Variants in SAMD4B observed in about 807,000 individuals in gnomAD.
SAMD4B encodes sterile alpha motif domain containing 4B, also known as protein Smaug homolog 2.
SAMD4B carries 5 observed loss-of-function variants against 74.5 expected under a neutral mutation model. That is an observed-to-expected ratio of 0.07 (90% CI 0.04 to 0.14). The LOEUF (loss-of-function observed/expected upper bound fraction) is 0.14. Among genes scored for constraint, SAMD4B ranks in the 10% least tolerant of loss-of-function variants. The pLI is 1.00. For missense variants in SAMD4B, 608 were observed against 921.8 expected (o/e 0.66, Z 4.41); for synonymous variants, 373 against 374.9 (o/e 1.00, Z 0.06).
intron 5 of SAMD4B, 108 bp from the exon 6 acceptor site, chr19:39,376,329 T>A: frequency 2.4e-6 from 2 of 842,562 alleles, no homozygotes; most frequent in Non-Finnish European, 1.9e-6. Flanking sequence ...CCCCTCCCAA[T>A]TTTTTGCATC....
At chr19:39,355,154 A>G (rs2076272309) in intron 2 of SAMD4B, among the ~76,000 whole-genome samples, 1 of 152,180 alleles carries the variant, frequency 6.6e-6, no homozygotes. Flanking sequence ...ATTACAGGTG[A>G]GAGCCACCAT....
chr19:39,385,577 A>C lies in SAMD4B; in HGVS notation c.*2050A>C, dbSNP rs984629503. ...CACTTCTGTCCCCGGCCCCACTGGC[A>C]GAATCAGCTTTGAGTAACTGTACAG... On this transcript the variant is annotated 3_prime_UTR_variant, in exon 14 of 14. Coordinates refer to ENST00000610417, the MANE Select transcript of SAMD4B (RefSeq NM_001384574.2). 4.0e-6 allele frequency: 2 copies of C among 495,110 alleles called. No homozygotes were observed. The highest frequency in any genetic ancestry group is 2.0e-5 in the African/African-American group (1 of 51,170). The allele number at this position is 495,110 out of a possible 1,614,324, so 30.7% of individuals were successfully genotyped here.
At chr19:39,367,178 C>A (rs140796203) in intron 3 of SAMD4B, among the ~76,000 whole-genome samples, 166 of 152,348 alleles carry the variant, frequency 1.1e-3, no homozygotes, top group African/African-American at 3.8e-3. Flanking sequence ...ACATATGCCA[C>A]ATCTCTGCCT....
intron 10 of SAMD4B, among the ~76,000 whole-genome samples, chr19:39,380,355 T>C (rs2077886708): frequency 6.6e-6 from 1 of 152,130 alleles, no homozygotes; most frequent in Non-Finnish European, 1.5e-5. Flanking sequence ...ATAACAGAAA[T>C]GTCTCCTTTG....
downstream of SAMD4B, chr19:39,388,610 C>A (rs777041476): frequency 1.2e-6 from 2 of 1,614,166 alleles, no homozygotes; most frequent in Non-Finnish European, 1.7e-6. Flanking sequence ...GCTTTCGTTT[C>A]TTCAACGTCT....
chr19:39,349,678 T>A (rs2075913309), intron 1 of SAMD4B: 2 of 152,212 alleles, frequency 1.3e-5, no homozygotes, highest in Admixed American at 1.3e-4. Context: ...ACCTTGTTCA[T>A]GAAGTGTAAG....
intron 12 of SAMD4B, 48 bp downstream of exon 12, chr19:39,381,161 G>C: frequency 1.3e-6 from 2 of 1,531,202 alleles, no homozygotes; most frequent in African/African-American, 2.8e-5. Context: ...ATCCTCAGCT[G>C]ACCTTTCTTT....
chr19:39,381,522 C>T (rs1291218504), intron 12 of SAMD4B, among the ~76,000 whole-genome samples: 2 of 152,182 alleles, frequency 1.3e-5, no homozygotes, highest in Admixed American at 6.5e-5. Context: ...CATCAGCCTA[C>T]TGGGATTCTT....
At chr19:39,386,368 CCTTCTCACTGCTGCTGCCCTT>C, downstream of SAMD4B, 2 of 1,614,192 alleles carry the variant, frequency 1.2e-6, no homozygotes, top group Non-Finnish European at 1.7e-6. The surrounding 1 kb of genome is among the most constrained non-coding windows in gnomAD (Gnocchi z 6.1). Context: ...TCACTGCCCT[CCTTCTCACTGCTGCTGCCCTT>C]CTCCTGCTCC....
intron 3 of SAMD4B, among the ~76,000 whole-genome samples, chr19:39,363,017 G>C (rs2076744390): frequency 6.6e-6 from 1 of 152,096 alleles, no homozygotes. Context: ...GTGAGGCAGA[G>C]AAGGTCATGT....
Position 39,380,689 on chromosome 19 carries a change from A to G in SAMD4B, c.1752A>G (p.Pro584=). Residue 584 remains proline, a synonymous_variant, in exon 11 of 14, where the codon CCA becomes CCG. Coordinates refer to ENST00000610417, the MANE Select transcript of SAMD4B (RefSeq NM_001384574.2). ...TCCCAATGCCTCCCCGGGCCCTCCC[A>G]CCCGGCCGGATGGGCCTCCTGAGCC... is the stretch of plus-strand genomic sequence containing the variant. The part of the protein sequence containing the change: ...RQFPMPPRAL[P]PGRMGLLSPS... 1 of 1,612,670 alleles carries G rather than the reference A, an allele frequency of 6.2e-7. No individual in the cohort carries two copies.
intron 4 of SAMD4B, among the ~76,000 whole-genome samples, chr19:39,371,541 G>A (rs1487745058): frequency 6.6e-6 from 1 of 152,202 alleles, no homozygotes; most frequent in Non-Finnish European, 1.5e-5. Flanking sequence ...GCTAGTCCGG[G>A]CATGGTGGCT....
chr19:39,372,684 AG>A (rs1035196167), intron 4 of SAMD4B, among the ~76,000 whole-genome samples: 1 of 152,144 alleles, frequency 6.6e-6, no homozygotes, highest in Non-Finnish European at 1.5e-5. Flanking sequence ...GGAGCCAAGC[AG>A]GGCTCCTCAG....
chr19:39,387,853 T>C (rs1039335346), downstream of SAMD4B, among the ~76,000 whole-genome samples: 1 of 152,220 alleles, frequency 6.6e-6, no homozygotes, highest in Non-Finnish European at 1.5e-5. Flanking sequence ...ATTAAGATAT[T>C]CTGGCTGGGC....
At chr19:39,388,571 T>C (rs1277269274), downstream of SAMD4B, 5 of 1,614,040 alleles carry the variant, frequency 3.1e-6, no homozygotes, top group Admixed American at 8.3e-5. Context: ...CATCATCTGG[T>C]GCATAGTCCA....
chr19:39,370,538 C>G (rs575765616), intron 4 of SAMD4B, among the ~76,000 whole-genome samples: 1 of 152,278 alleles, frequency 6.6e-6, no homozygotes, highest in East Asian at 1.9e-4. Flanking sequence ...CCTAGTCTGC[C>G]TCTGCTCCCA....
At chr19:39,365,233 G>A (rs1233118094) in intron 3 of SAMD4B, among the ~76,000 whole-genome samples, 1 of 131,962 alleles carries the variant, frequency 7.6e-6, no homozygotes, top group African/African-American at 3.0e-5. Flanking sequence ...GTGACAGAGC[G>A]AGACTCCGTA....
chr19:39,369,454 A>G (rs2145673373), intron 3 of SAMD4B: 1 of 590,222 alleles, frequency 1.7e-6, no homozygotes, highest in Admixed American at 3.0e-5. Flanking sequence ...TCTCTTAAAA[A>G]AAATAAGACA....
rs2078185140 is a variant in SAMD4B, at chr19:39,384,523, C to T, written c.*996C>T. The T allele has an allele frequency of 6.5e-6, 1 of 152,702 alleles. No homozygotes were observed. The highest frequency in any genetic ancestry group is 2.4e-5 in the African/African-American group (1 of 41,462). 9.5% of individuals were successfully genotyped at this position (152,702 alleles called of 1,614,324 possible). ...GGTTTTTGGGTTTTTCCCTAAGCCCCTCCCTTTTCTTTCAGCCTTTTTCCT... is the reference window on the plus strand; with the variant it reads ...GGTTTTTGGGTTTTTCCCTAAGCCCTTCCCTTTTCTTTCAGCCTTTTTCCT... On this transcript the variant is annotated 3_prime_UTR_variant, in exon 14 of 14. Coordinates refer to ENST00000610417, the MANE Select transcript of SAMD4B (RefSeq NM_001384574.2).
Sources: allele counts gnomAD v4.1 joint callset (sites outside exome capture counted in the v4.1 genomes callset), GRCh38; gene constraint gnomAD v4.1.1; non-coding constraint Gnocchi (gnomAD v3.1); transcripts MANE v1.5; gene names NCBI Gene and HGNC (gene_info 2026-07-23, HGNC 2026-07-21).